The following CACNB2 variants were observed in gnomAD, a reference collection of about 807,000 sequenced individuals.
CACNB2 encodes calcium voltage-gated channel auxiliary subunit beta 2, also known as voltage-dependent L-type calcium channel subunit beta-2.
Under a neutral mutation model 73.3 loss-of-function variants are expected in CACNB2, and 42 were observed. The ratio of observed to expected loss-of-function variants is 0.57; its 90% CI spans 0.45 to 0.74. The LOEUF (loss-of-function observed/expected upper bound fraction) is 0.74. CACNB2 is among the 30% of genes least tolerant of loss of function. CACNB2 has a pLI of 0.00. For synonymous variants in CACNB2, 348 were observed against 310.3 expected, an observed-to-expected ratio of 1.12 and a Z score of -1.28; for missense variants, 940 against 853.0, an observed-to-expected ratio of 1.10 and a Z score of -1.27.
intron 2 of CACNB2, among the ~76,000 whole-genome samples, chr10:18,357,479 A>G (rs2041969721): frequency 6.6e-6 from 1 of 152,210 alleles, no homozygotes; most frequent in Admixed American, 6.5e-5. Context: ...GGGCCACTGC[A>G]TGGACGGATT....
At chr10:18,247,403 A>T (rs1456930996) in intron 2 of CACNB2, among the ~76,000 whole-genome samples, 1 of 152,208 alleles carries the variant, frequency 6.6e-6, no homozygotes, top group Non-Finnish European at 1.5e-5. Flanking sequence ...TCTCCGCTTC[A>T]TCATAAGCCA....
intron 2 of CACNB2, among the ~76,000 whole-genome samples, chr10:18,374,699 A>G (rs960869125): frequency 6.6e-6 from 1 of 152,206 alleles, no homozygotes; most frequent in Non-Finnish European, 1.5e-5. Context: ...TGCATGATGT[A>G]TGTAGCATTT....
At chr10:18,417,812 A>T (rs914723175) in intron 3 of CACNB2, among the ~76,000 whole-genome samples, 4 of 152,202 alleles carry the variant, frequency 2.6e-5, no homozygotes, top group African/African-American at 9.7e-5. Context: ...AATAGATTGT[A>T]TGAAGAATGC....
intron 9 of CACNB2, among the ~76,000 whole-genome samples, chr10:18,521,351 G>A (rs2051862817): frequency 2.6e-5 from 4 of 152,230 alleles, no homozygotes; most frequent in Admixed American, 2.6e-4. Flanking sequence ...ATGTTCAGCA[G>A]ATGGTATATA....
chr10:18,225,576 C>T (rs568427067), intron 2 of CACNB2, among the ~76,000 whole-genome samples: 1,498 of 59,534 alleles, frequency 0.025, 29 homozygotes, highest in African/African-American at 0.072. Context: ...CTCCCTCCCT[C>T]GCTCCTTCCT....
At chr10:18,299,067 T>TAAAA in intron 2 of CACNB2, among the ~76,000 whole-genome samples, 1 of 120,976 alleles carries the variant, frequency 8.3e-6, no homozygotes, top group East Asian at 2.8e-4. Flanking sequence ...TAAAGTATAC[T>TAAAA]AAAAAAAAAA....
At chr10:18,406,421 G>A (rs2044291913) in intron 3 of CACNB2, among the ~76,000 whole-genome samples, 1 of 152,160 alleles carries the variant, frequency 6.6e-6, no homozygotes, top group African/African-American at 2.4e-5. Flanking sequence ...TATATTTACA[G>A]CCACTCCCCA....
rs1241855575 is a variant in CACNB2 at position 18,541,846 on chromosome 10, A to G, written c.*2122A>G. The stretch of plus-strand genomic sequence containing the variant: ...CACTGTACTCCAGCCTGGGTGACAG[A>G]GTGAGACTCCATCTCCAAAAAAGAA... On this transcript the variant is annotated 3_prime_UTR_variant, in exon 14 of 14. Coordinates refer to ENST00000324631, the MANE Select transcript of CACNB2 (RefSeq NM_201596.3). The G allele has an allele frequency of 6.6e-6, 1 of 151,544 alleles. No homozygotes were observed. Among genetic ancestry groups the G allele is most frequent in the Non-Finnish European group, 1.5e-5 (1 of 67,886 alleles). The allele number at this position is 151,544 out of a possible 1,614,324, so 9.4% of individuals were successfully genotyped here.
At position 18,389,961 on chromosome 10, in the gene CACNB2, C is replaced by T. The variant is rs948414137; in HGVS notation, c.214-11963C>T. On this transcript the variant is annotated intron_variant, in intron 2 of 13. Transcript: ENST00000324631. ...ATTCATTTCTTACTGTTTTACTTAT[C>T]AATTAGTGTGCCTTTTATATATGCA... is the stretch of plus-strand genomic sequence containing the variant. Among the ~76,000 whole-genome samples the T allele has an allele frequency of 1.2e-4, 18 of 152,206 alleles. 1 individual carries two copies. The highest frequency in any genetic ancestry group is 3.9e-4 in the African/African-American group (16 of 41,532).
At chr10:18,282,141 C>T (rs1448714384) in intron 2 of CACNB2, among the ~76,000 whole-genome samples, 7 of 151,974 alleles carry the variant, frequency 4.6e-5, no homozygotes, top group Non-Finnish European at 1.0e-4. Context: ...GCTTCTGTCC[C>T]CTATTCATTG....
chr10:18,228,835 G>T (rs139399047), intron 2 of CACNB2, among the ~76,000 whole-genome samples: 9 of 152,088 alleles, frequency 5.9e-5, no homozygotes, highest in Non-Finnish European at 4.4e-5. Flanking sequence ...TGCCTCCTGG[G>T]TTCAAGGATT....
At chr10:18,335,151 G>A (rs1372401128) in intron 2 of CACNB2, among the ~76,000 whole-genome samples, 1 of 151,608 alleles carries the variant, frequency 6.6e-6, no homozygotes, top group Non-Finnish European at 1.5e-5. Context: ...AAATACCGTT[G>A]GATATGGACT....
chr10:18,396,113 C>T (rs1441511038), intron 2 of CACNB2, among the ~76,000 whole-genome samples: 3 of 152,034 alleles, frequency 2.0e-5, no homozygotes, highest in Admixed American at 1.3e-4. Context: ...CCTGCCACCA[C>T]GCCTGGCTAA....
intron 2 of CACNB2, among the ~76,000 whole-genome samples, chr10:18,299,262 T>G (rs2039410387): frequency 6.6e-6 from 1 of 152,182 alleles, no homozygotes; most frequent in Non-Finnish European, 1.5e-5. Context: ...TGTTCTGGAT[T>G]GGACAATACA....
chr10:18,338,426 G>A (rs2041087726), intron 2 of CACNB2, among the ~76,000 whole-genome samples: 1 of 152,100 alleles, frequency 6.6e-6, no homozygotes, highest in Non-Finnish European at 1.5e-5. Flanking sequence ...TGTTGTTGAG[G>A]GTGTGGAGAA....
chr10:18,434,183 T>C (rs921242441), intron 3 of CACNB2, among the ~76,000 whole-genome samples: 3 of 152,164 alleles, frequency 2.0e-5, no homozygotes, highest in Middle Eastern at 3.2e-3. Flanking sequence ...AGGTTTCTCA[T>C]ATGGTATGAT....
chr10:18,187,314 G>A (rs2034198242), intron 2 of CACNB2, among the ~76,000 whole-genome samples: 1 of 152,146 alleles, frequency 6.6e-6, no homozygotes, highest in African/African-American at 2.4e-5. Flanking sequence ...TCTTGTAAAT[G>A]GTAGTAAGTG....
At chr10:18,229,100 G>A (rs2036128792) in intron 2 of CACNB2, among the ~76,000 whole-genome samples, 1 of 152,100 alleles carries the variant, frequency 6.6e-6, no homozygotes, top group South Asian at 2.1e-4. Context: ...ATATACACAA[G>A]CAAGATAAAC....
At chr10:18,313,462 C>T (rs907525393) in intron 2 of CACNB2, among the ~76,000 whole-genome samples, 3 of 151,690 alleles carry the variant, frequency 2.0e-5, no homozygotes, top group African/African-American at 7.3e-5. Flanking sequence ...AAATTACCAC[C>T]ATTTTATAAC....
Sources: gnomAD v4.1 joint callset for allele counts (sites outside exome capture counted in the v4.1 genomes callset) on GRCh38, gnomAD v4.1.1 for gene constraint, MANE v1.5 for transcripts, NCBI Gene and HGNC (gene_info 2026-07-23, HGNC 2026-07-21) for gene names.